The following NEGR1 variants were observed in gnomAD, a reference collection of about 807,000 sequenced individuals.
NEGR1 encodes neuronal growth regulator 1, also known as IgLON family member 4.
A neutral mutation model predicts 40.9 loss-of-function variants in NEGR1; 10 were observed. The ratio of observed to expected loss-of-function variants is 0.24; its 90% CI spans 0.15 to 0.42. The LOEUF (loss-of-function observed/expected upper bound fraction) is 0.42. Among genes scored for constraint, NEGR1 ranks in the 10% least tolerant of loss-of-function variants. The pLI, the probability that NEGR1 is intolerant of heterozygous loss-of-function variation, is 1.00. For synonymous variants in NEGR1, 185 were observed against 166.8 expected, an observed-to-expected ratio of 1.11 and a Z score of -0.84; for missense variants, 352 against 438.9, an observed-to-expected ratio of 0.80 and a Z score of 1.77.
At chr1:72,133,283 A>G (rs975218246) in intron 1 of NEGR1, among the ~76,000 whole-genome samples, 4 of 152,080 alleles carry the variant, frequency 2.6e-5, no homozygotes, top group Admixed American at 6.6e-5. Flanking sequence ...TTTGATATGC[A>G]TTGGTGAATT....
chr1:71,854,846 G>T (rs1195175411), intron 2 of NEGR1, among the ~76,000 whole-genome samples: 2 of 152,218 alleles, frequency 1.3e-5, no homozygotes, highest in East Asian at 3.9e-4. Context: ...CCTTCCACCA[G>T]GTCCGTCCCA....
chr1:71,900,726 G>A (rs1661121284), intron 2 of NEGR1, among the ~76,000 whole-genome samples: 1 of 152,106 alleles, frequency 6.6e-6, no homozygotes, highest in Admixed American at 6.5e-5. Flanking sequence ...TGCTAGAAAT[G>A]GAAAACACAC....
At chr1:71,505,308 G>C (rs1253820115) in intron 6 of NEGR1, among the ~76,000 whole-genome samples, 1 of 151,502 alleles carries the variant, frequency 6.6e-6, no homozygotes, top group Non-Finnish European at 1.5e-5. Flanking sequence ...TTTTTTTTGA[G>C]ATGGAGTCTC....
Position 71,698,049 on chromosome 1 carries a change from A to G in NEGR1, c.626T>C (p.Val209Ala). Residue 209 changes from valine to alanine, a missense_variant, in exon 4 of 7, where the codon GTG becomes GCG. Val to Ala is a moderately conservative substitution (Grantham distance 64). Around this residue, in one of 5 missense-constraint regions of NEGR1, gnomAD observed 184 missense variants for 208.7 expected, o/e 0.88. Transcript: ENST00000357731. The stretch of plus-strand genomic sequence containing the variant: ...TACTTTCCTCACATCTGGGAATGAC[A>G]CATCATTTTCCGCACTGCATTCATA... ...GEYECSAEND[V>A]SFPDVRKVKV... The G allele has an allele frequency of 6.2e-7, 1 of 1,611,536 alleles. No individual in the cohort carries two copies. The highest frequency in any genetic ancestry group is 1.1e-5 in the South Asian group (1 of 90,982).
At chr1:71,685,360 T>G (rs992474924) in intron 4 of NEGR1, among the ~76,000 whole-genome samples, 1 of 151,952 alleles carries the variant, frequency 6.6e-6, no homozygotes, top group African/African-American at 2.4e-5. Context: ...TTCACTCTTT[T>G]TGCCCAGGCT....
intron 1 of NEGR1, among the ~76,000 whole-genome samples, chr1:72,143,225 TA>T (rs1557548068): frequency 6.6e-6 from 1 of 152,038 alleles, no homozygotes; most frequent in African/African-American, 2.4e-5. Flanking sequence ...GAGAAATCTT[TA>T]AAGTTGATTA....
At chr1:71,966,424 A>G (rs1220201387) in intron 1 of NEGR1, among the ~76,000 whole-genome samples, 2 of 152,170 alleles carry the variant, frequency 1.3e-5, no homozygotes, top group East Asian at 3.8e-4. Flanking sequence ...ATAGGCCTCA[A>G]TGCTCCTTCA....
intron 4 of NEGR1, among the ~76,000 whole-genome samples, chr1:71,681,074 C>A (rs1194870700): frequency 2.6e-5 from 4 of 152,344 alleles, no homozygotes; most frequent in African/African-American, 7.2e-5. Flanking sequence ...TTTAAAAGCA[C>A]TTGCATATTA....
At chr1:71,856,743 C>A (rs1409804375) in intron 2 of NEGR1, among the ~76,000 whole-genome samples, 1 of 152,042 alleles carries the variant, frequency 6.6e-6, no homozygotes. Flanking sequence ...TACAAAACCC[C>A]AAGTTCGAGC....
chr1:71,491,271 A>G (rs1183610088), intron 6 of NEGR1, among the ~76,000 whole-genome samples: 3 of 152,052 alleles, frequency 2.0e-5, no homozygotes, highest in African/African-American at 7.2e-5. Flanking sequence ...CACAGGTTAT[A>G]TGGAAATACT....
chr1:71,958,857 A>T (rs1646139427), intron 1 of NEGR1, among the ~76,000 whole-genome samples: 1 of 150,988 alleles, frequency 6.6e-6, no homozygotes, highest in Non-Finnish European at 1.5e-5. Context: ...TGGGAGGCTG[A>T]GGCAGGAGAA....
chr1:72,243,127 G>A (rs540649776), intron 1 of NEGR1, among the ~76,000 whole-genome samples: 1 of 151,644 alleles, frequency 6.6e-6, no homozygotes, highest in South Asian at 2.1e-4. Flanking sequence ...AATATTTAGA[G>A]TAAATATTTA....
intron 1 of NEGR1, among the ~76,000 whole-genome samples, chr1:72,143,904 TGATATATATA>T (rs1557548429): frequency 1.0e-3 from 82 of 79,186 alleles, no homozygotes; most frequent in African/African-American, 4.1e-3. Flanking sequence ...ATTATATATA[TGATATATATA>T]ATATATATAT....
At chr1:71,825,761 A>C (rs918344588) in intron 2 of NEGR1, among the ~76,000 whole-genome samples, 1 of 151,936 alleles carries the variant, frequency 6.6e-6, no homozygotes, top group Non-Finnish European at 1.5e-5. Context: ...CTAACTCATA[A>C]TAAACACTCA....
At chr1:72,067,615 G>A (rs1293864571) in intron 1 of NEGR1, among the ~76,000 whole-genome samples, 2 of 152,030 alleles carry the variant, frequency 1.3e-5, no homozygotes, top group Non-Finnish European at 2.9e-5. Flanking sequence ...CCTAATCTGT[G>A]CTCTAGTTTG....
chr1:72,012,842 C>CAT (rs375131531), intron 1 of NEGR1, among the ~76,000 whole-genome samples: 4,979 of 140,108 alleles, frequency 0.036, 105 homozygotes, highest in South Asian at 0.072. Context: ...TATATACATA[C>CAT]ATATATATAT....
chr1:71,620,944 T>C (rs1369351371), intron 4 of NEGR1, among the ~76,000 whole-genome samples: 3 of 151,852 alleles, frequency 2.0e-5, no homozygotes, highest in Admixed American at 6.6e-5. Flanking sequence ...CTTCATAGGA[T>C]TGGTGTATGG....
chr1:71,590,677 G>A (rs1384736160), intron 6 of NEGR1, among the ~76,000 whole-genome samples: 1 of 152,028 alleles, frequency 6.6e-6, no homozygotes, highest in African/African-American at 2.4e-5. Context: ...TAGCTCTTTG[G>A]ATTTTGTGAG....
chr1:71,559,999 G>A (rs1315052992), intron 6 of NEGR1, among the ~76,000 whole-genome samples: 2 of 151,238 alleles, frequency 1.3e-5, no homozygotes, highest in African/African-American at 2.4e-5. Flanking sequence ...GTTATTGAAA[G>A]ACCAGCTGCA....
Sources: gnomAD v4.1 joint callset for allele counts (sites outside exome capture counted in the v4.1 genomes callset) on GRCh38, gnomAD v4.1.1 for gene constraint, gnomAD v4.1.1 regional missense constraint, MANE v1.5 for transcripts, NCBI Gene and HGNC (gene_info 2026-07-23, HGNC 2026-07-21) for gene names.